The following BEST1 variants were observed in gnomAD, a reference collection of about 807,000 sequenced individuals.
BEST1 encodes bestrophin 1.
BEST1 carries 58 observed loss-of-function variants against 63.3 expected under a neutral mutation model. That is an observed-to-expected ratio of 0.92 (90% CI 0.74 to 1.14). BEST1 has a LOEUF of 1.14. Ranked by LOEUF, BEST1 falls within the 50% of genes most tolerant of loss-of-function variation. The probability of loss-of-function intolerance (pLI) is 0.00; values close to 1 mark genes in which losing one functional copy is unlikely to be tolerated. For missense variants in BEST1, 671 were observed against 740.1 expected (o/e 0.91, Z 1.08); for synonymous variants, 283 against 291.6 (o/e 0.97, Z 0.30).
chr11:61,955,959 G>A lies in BEST1; in HGVS notation c.481+8G>A. ...AGCACCTGGTGCAAGCAGGTGGGCGGACCGGGAGCAACGGGGAGGCACCGG... is the reference window on the plus strand; with the variant it reads ...AGCACCTGGTGCAAGCAGGTGGGCGAACCGGGAGCAACGGGGAGGCACCGG... On this transcript the variant is annotated splice_region_variant and intron_variant, in intron 4 of 10. Coordinates refer to ENST00000378043, the MANE Select transcript of BEST1 (RefSeq NM_004183.4). The A allele has an allele frequency of 6.5e-7, 1 of 1,544,216 alleles. No homozygotes were observed. Among genetic ancestry groups the A allele is most frequent in the Non-Finnish European group, 8.7e-7 (1 of 1,143,132 alleles).
Position 61,951,813 on chromosome 11 carries a change from A to G in BEST1, c.7A>G (p.Ile3Val). 1 of 1,612,618 alleles carries G rather than the reference A, an allele frequency of 6.2e-7. No individual in the cohort carries two copies. Among genetic ancestry groups the G allele is most frequent in the Non-Finnish European group, 8.5e-7 (1 of 1,180,022 alleles). ...TGCAGCCCACTGCCTGGCCATGACC[A>G]TCACTTACACAAGCCAAGTGGCTAA... MT[I>V]TYTSQVANAR... The change falls in exon 2 of 11, where the codon ATC becomes GTC. Residue 3 changes from isoleucine (I) to valine (V), a missense_variant. Coordinates refer to ENST00000378043, the MANE Select transcript of BEST1 (RefSeq NM_004183.4).
chr11:61,952,079 G>C, intron 2 of BEST1, 121 bp downstream of exon 2: 2 of 1,268,702 alleles, frequency 1.6e-6, no homozygotes, highest in Middle Eastern at 2.6e-4. Context: ...ACTAAGCTGA[G>C]CTCCTGACCA....
At chr11:61,949,940 A>G (rs566404935), upstream of BEST1, 1 of 152,464 alleles carries the variant, frequency 6.6e-6, no homozygotes, top group Non-Finnish European at 1.5e-5. Flanking sequence ...CATTCTTTCC[A>G]TAGCCCACAG....
intron 7 of BEST1, 106 bp from the exon 8 acceptor site, chr11:61,959,392 G>C (rs914201760): frequency 1.8e-6 from 2 of 1,094,712 alleles, no homozygotes; most frequent in African/African-American, 1.6e-5. Context: ...GGTCAGGCAG[G>C]AAGGGCGTCA....
intron 10 of BEST1, chr11:61,963,892 CAGG>C (rs1942331865): frequency 3.0e-6 from 4 of 1,350,778 alleles, no homozygotes; most frequent in Non-Finnish European, 3.9e-6. Context: ...AGTCCCAACG[CAGG>C]AGGTTGAGGG....
chr11:61,964,046 G>C, intron 10 of BEST1, 58 bp from the exon 11 acceptor site: 1 of 1,611,078 alleles, frequency 6.2e-7, no homozygotes. Flanking sequence ...CAACATTTTG[G>C]TATTTGAAAT....
intron 2 of BEST1, among the ~76,000 whole-genome samples, chr11:61,952,502 A>T (rs1940812652): frequency 8.1e-6 from 1 of 123,294 alleles, no homozygotes; most frequent in Non-Finnish European, 1.6e-5. Flanking sequence ...GTTTCACTCC[A>T]TCACCCAGGC....
intron 7 of BEST1, chr11:61,958,548 A>C (rs948399998): frequency 2.2e-6 from 2 of 920,486 alleles, no homozygotes; most frequent in African/African-American, 3.3e-5. Context: ...CAAAAGAATG[A>C]AACTCTATCT....
At chr11:61,959,637 A>G in intron 8 of BEST1, 59 bp downstream of exon 8, 1 of 1,577,478 alleles carries the variant, frequency 6.3e-7, no homozygotes. Context: ...ACCCAAAGAG[A>G]GGACCCCACT....
At position 61,964,170 on chromosome 11, in the gene BEST1, G is replaced by A; in HGVS notation, c.*48G>A. ...TCGCCAGCCAGGTCCTCACCTGTGT[G>A]TACACCAGCAGGACACTGATCCAGT... On this transcript the variant is annotated 3_prime_UTR_variant, in exon 11 of 11. Coordinates refer to ENST00000378043, the MANE Select transcript of BEST1 (RefSeq NM_004183.4). The A allele has an allele frequency of 6.2e-7, 1 of 1,613,008 alleles. No homozygotes were observed.
intron 2 of BEST1, chr11:61,954,745 C>A: frequency 1.0e-6 from 1 of 962,784 alleles, no homozygotes; most frequent in African/African-American, 1.8e-5. Context: ...CCACCGTGCC[C>A]GTCCCAAACA....
At chr11:61,952,220 G>A (rs1448075431) in intron 2 of BEST1, among the ~76,000 whole-genome samples, 1 of 152,144 alleles carries the variant, frequency 6.6e-6, no homozygotes, top group Non-Finnish European at 1.5e-5. Context: ...GACCCCTGGA[G>A]CCCAGGCTTT....
chr11:61,964,300 C>A lies in BEST1; in HGVS notation c.*178C>A. 1 of 1,210,258 alleles carries A rather than the reference C, an allele frequency of 8.3e-7. No individual in the cohort carries two copies. Among genetic ancestry groups the A allele is most frequent in the Non-Finnish European group, 1.1e-6 (1 of 879,672 alleles). The allele number at this position is 1,210,258 out of a possible 1,614,324, so 75.0% of individuals were successfully genotyped here. On this transcript the variant is annotated 3_prime_UTR_variant, in exon 11 of 11. Transcript: ENST00000378043. The stretch of plus-strand genomic sequence containing the variant: ...CCCAGACTACTTCAGCCTTTAATGC[C>A]TTTTATTCATAAAAACTGTGAAAGC...
rs1382855318 is a variant in BEST1 at position 61,959,879 on chromosome 11, C to G, written c.949-13C>G. On this transcript the variant is annotated splice_polypyrimidine_tract_variant and intron_variant, in intron 8 of 10. Transcript: ENST00000378043. Reference sequence around the variant, plus strand: ...GATCTTTCTGTGGGACTTCTTCTGTCCCTGGTGACCAGGTGTCCCTGTTGG... The same window carrying G: ...GATCTTTCTGTGGGACTTCTTCTGTGCCTGGTGACCAGGTGTCCCTGTTGG... 6.2e-7 allele frequency: 1 copy of G among 1,613,624 alleles called. No homozygotes were observed. Among genetic ancestry groups the G allele is most frequent in the South Asian group, 1.1e-5 (1 of 90,896 alleles).
chr11:61,958,774 C>T lies in BEST1; in HGVS notation c.867+476C>T, dbSNP rs1361729167. ...TTTTCTCTCCACCTCTTTATCTTTC[C>T]TTCCTTCTGTTGCCCACCCACTCTC... On this transcript the variant is annotated intron_variant, in intron 7 of 10. Coordinates refer to ENST00000378043, the MANE Select transcript of BEST1 (RefSeq NM_004183.4). 4 of 339,164 alleles carry T rather than the reference C, an allele frequency of 1.2e-5. No homozygotes were observed. The East Asian group carries it at 2.4e-4, about 20-fold the overall frequency. 21.0% of individuals were successfully genotyped at this position (339,164 alleles called of 1,614,324 possible). A position where few individuals can be genotyped will look rare whatever the true frequency, so the allele number is the denominator to read the frequency against.
At chr11:61,950,135 C>T (rs972354), upstream of BEST1, 25,593 of 152,354 alleles carry the variant, frequency 0.17, 3,476 homozygotes, top group East Asian at 0.67. Context: ...GGGGGTGTTG[C>T]CCTAAATTCC....
Position 61,962,876 on chromosome 11 carries a change from T to G in BEST1, c.1722T>G (p.Tyr574Ter), listed in dbSNP as rs755188083. 6.2e-7 allele frequency: 1 copy of G among 1,614,166 alleles called. No individual in the cohort carries two copies. Among genetic ancestry groups the G allele is most frequent in the African/African-American group, 1.3e-5 (1 of 75,054 alleles). The stretch of plus-strand genomic sequence containing the variant: ...CACTCAAAGATCACATGGATCCTTA[T>G]TGGGCCTTGGAAAACAGGTCTGTCC... ...HTTLKDHMDP[Y>*]WALENRDEAH... The change falls in exon 10 of 11, where the codon TAT becomes TAG. Residue 574 changes from tyrosine (Y) to a stop codon, truncating the protein, a stop_gained. Coordinates refer to ENST00000378043, the MANE Select transcript of BEST1 (RefSeq NM_004183.4). LOFTEE classifies it high-confidence loss of function.
Position 61,953,799 on chromosome 11 carries a change from T to C in BEST1, c.153-1308T>C, listed in dbSNP as rs1007575429. On this transcript the variant is annotated intron_variant, in intron 2 of 10. Coordinates refer to ENST00000378043, the MANE Select transcript of BEST1 (RefSeq NM_004183.4). ...TCCTCAGGAGGCTGAAGCGGGAGGA[T>C]TGCTTGAGCCCAGGAGGTTGAGGCT... Among the ~76,000 whole-genome samples, 4 of 152,218 alleles carry C rather than the reference T, an allele frequency of 2.6e-5. No individual in the cohort carries two copies. The South Asian group carries it at 8.3e-4, about 32-fold the overall frequency.
In BEST1 at chr11:61,963,395, T is replaced by C. The variant is rs188229674; in HGVS notation, c.1739+502T>C. ...CCTAGGAACTGGTAGATGGTGAGGTTGAGGGTGTCCAGCGCCCTTAGGTCA... is the reference window on the plus strand; with the variant it reads ...CCTAGGAACTGGTAGATGGTGAGGTCGAGGGTGTCCAGCGCCCTTAGGTCA... On this transcript the variant is annotated intron_variant, in intron 10 of 10. Transcript: ENST00000378043. 2.1e-4 allele frequency: 265 copies of C among 1,233,540 alleles called. 1 individual carries two copies. In the African/African-American group the frequency reaches 3.7e-3, roughly 17 times the overall value. 76.4% of individuals were successfully genotyped at this position (1,233,540 alleles called of 1,614,324 possible). A position where few individuals can be genotyped will look rare whatever the true frequency, so the allele number is the denominator to read the frequency against.
Sources: gnomAD v4.1 joint callset for allele counts (sites outside exome capture counted in the v4.1 genomes callset) on GRCh38, gnomAD v4.1.1 for gene constraint, MANE v1.5 for transcripts, NCBI Gene and HGNC (gene_info 2026-07-23, HGNC 2026-07-21) for gene names.